Variants in MSRA observed in about 807,000 individuals in gnomAD.
The protein encoded by MSRA is methionine sulfoxide reductase A.
Under a neutral mutation model 31.3 loss-of-function variants are expected in MSRA, and 54 were observed. That is an observed-to-expected ratio of 1.73 (90% confidence interval 1.39 to 2.17). The LOEUF (loss-of-function observed/expected upper bound fraction) is 2.17. Ranked by LOEUF, MSRA falls within the 30% of genes most tolerant of loss-of-function variation. The probability of loss-of-function intolerance (pLI) is 0.00; values close to 1 mark genes in which losing one functional copy is unlikely to be tolerated. For synonymous variants in MSRA, 169 were observed against 116.5 expected (o/e 1.45, Z -2.90); for missense variants, 507 against 300.9 (o/e 1.69, Z -5.07).
intron 3 of MSRA, among the ~76,000 whole-genome samples, chr8:10,269,484 T>C (rs1196352197): frequency 6.6e-6 from 1 of 152,260 alleles, no homozygotes; most frequent in African/African-American, 2.4e-5. Context: ...TTGAATTTTC[T>C]GGCTGCACCA....
At chr8:10,297,843 A>G (rs566799122) in intron 3 of MSRA, among the ~76,000 whole-genome samples, 2 of 152,270 alleles carry the variant, frequency 1.3e-5, no homozygotes, top group South Asian at 4.1e-4. Flanking sequence ...ATCTTTCCTG[A>G]CCCCATATTG....
At chr8:10,227,153 A>C (rs917353854) in intron 2 of MSRA, among the ~76,000 whole-genome samples, 1 of 152,140 alleles carries the variant, frequency 6.6e-6, no homozygotes, top group African/African-American at 2.4e-5. Context: ...AAATGTGTTG[A>C]ATGAGGAGCA....
At chr8:10,406,821 T>C (rs1351820088) in intron 5 of MSRA, among the ~76,000 whole-genome samples, 2 of 152,240 alleles carry the variant, frequency 1.3e-5, no homozygotes, top group African/African-American at 2.4e-5. Context: ...ATGAGGCCCA[T>C]GCTAGGATGG....
chr8:10,208,804 G>A (rs550764850), intron 2 of MSRA, among the ~76,000 whole-genome samples: 5 of 152,282 alleles, frequency 3.3e-5, no homozygotes, highest in Admixed American at 2.0e-4. Flanking sequence ...CTGATTTCAC[G>A]CCTCCCGTAG....
At chr8:10,058,592 C>G (rs1802525693) in intron 1 of MSRA, among the ~76,000 whole-genome samples, 2 of 152,140 alleles carry the variant, frequency 1.3e-5, no homozygotes, top group African/African-American at 4.8e-5. Context: ...ATTTAAAGAG[C>G]AGATAATTCC....
chr8:10,388,681 TTCTTTGTA>T (rs1350413148), intron 5 of MSRA, among the ~76,000 whole-genome samples: 6 of 152,088 alleles, frequency 3.9e-5, no homozygotes, highest in African/African-American at 9.7e-5. Flanking sequence ...GTCCAACCCC[TTCTTTGTA>T]AGTGGAGCTA....
chr8:10,280,451 C>T (rs1799561637), intron 3 of MSRA, among the ~76,000 whole-genome samples: 1 of 152,104 alleles, frequency 6.6e-6, no homozygotes, highest in East Asian at 1.9e-4. Flanking sequence ...AAGATTTTAA[C>T]ATTGTAATTG....
chr8:10,235,798 A>C (rs896487709), intron 2 of MSRA, among the ~76,000 whole-genome samples: 1 of 152,174 alleles, frequency 6.6e-6, no homozygotes, highest in Non-Finnish European at 1.5e-5. Context: ...AAGGCTAGCC[A>C]ACCAATTTTC....
At chr8:10,346,878 C>T (rs914220612) in intron 5 of MSRA, among the ~76,000 whole-genome samples, 2 of 152,142 alleles carry the variant, frequency 1.3e-5, no homozygotes, top group African/African-American at 2.4e-5. Flanking sequence ...AGGTTGGCTC[C>T]CTGGGCTGGT....
chr8:10,277,533 A>C (rs940441525), intron 3 of MSRA, among the ~76,000 whole-genome samples: 3 of 152,124 alleles, frequency 2.0e-5, no homozygotes, highest in Admixed American at 6.5e-5. Context: ...AGTGTGTTTC[A>C]CTGGGTCTGG....
chr8:10,280,909 A>T (rs538489872), intron 3 of MSRA, among the ~76,000 whole-genome samples: 196 of 152,386 alleles, frequency 1.3e-3, no homozygotes, highest in African/African-American at 4.4e-3. Context: ...GCAAAAAACC[A>T]TAGAGTGTAT....
At chr8:10,175,719 C>G (rs1347746683) in intron 1 of MSRA, among the ~76,000 whole-genome samples, 1 of 152,236 alleles carries the variant, frequency 6.6e-6, no homozygotes, top group African/African-American at 2.4e-5. Context: ...GGTAGCATTT[C>G]CATCCAGTCC....
chr8:10,348,057 G>T (rs1318305833), intron 5 of MSRA, among the ~76,000 whole-genome samples: 1 of 152,332 alleles, frequency 6.6e-6, no homozygotes, highest in Non-Finnish European at 1.5e-5. Flanking sequence ...GCTGGTCATT[G>T]CATCTAGAAT....
intron 1 of MSRA, among the ~76,000 whole-genome samples, chr8:10,191,109 A>G (rs935501942): frequency 1.3e-5 from 2 of 152,248 alleles, no homozygotes; most frequent in African/African-American, 4.8e-5. Context: ...TGGATGAAGT[A>G]TCTAGGCTAA....
At chr8:10,403,775 G>A (rs1807616796) in intron 5 of MSRA, among the ~76,000 whole-genome samples, 1 of 152,232 alleles carries the variant, frequency 6.6e-6, no homozygotes, top group African/African-American at 2.4e-5. Context: ...CTCAGGCTGA[G>A]GCAGACGGGC....
intron 5 of MSRA, among the ~76,000 whole-genome samples, chr8:10,329,398 G>A (rs1802563036): frequency 1.3e-5 from 2 of 152,146 alleles, no homozygotes; most frequent in South Asian, 2.1e-4. Context: ...TGCCTCTGTG[G>A]CCACCTGCCT....
intron 5 of MSRA, among the ~76,000 whole-genome samples, chr8:10,362,051 G>A (rs533152204): frequency 1.3e-5 from 2 of 152,260 alleles, no homozygotes; most frequent in East Asian, 3.9e-4. Context: ...AAGAATCCTG[G>A]AGTGAGAGAG....
chr8:10,330,857 C>T (rs933279975), intron 5 of MSRA, among the ~76,000 whole-genome samples: 2 of 152,134 alleles, frequency 1.3e-5, no homozygotes, highest in Admixed American at 6.5e-5. Flanking sequence ...TGTTATGGAC[C>T]GAATATCTGT....
intron 1 of MSRA, among the ~76,000 whole-genome samples, chr8:10,084,329 C>G (rs552072234): frequency 1.3e-5 from 2 of 152,244 alleles, no homozygotes; most frequent in Non-Finnish European, 2.9e-5. Context: ...CTTTGCGGCC[C>G]TCTGCTGCCT....
Sources: allele counts gnomAD v4.1 joint callset (sites outside exome capture counted in the v4.1 genomes callset), GRCh38; gene constraint gnomAD v4.1.1; transcripts MANE v1.5; gene names NCBI Gene and HGNC (gene_info 2026-07-23, HGNC 2026-07-21).